The following UNC13C variants were observed in gnomAD, a reference collection of about 807,000 sequenced individuals.
UNC13C encodes unc-13 homolog C, also known as protein unc-13 homolog C.
A neutral mutation model predicts 245.4 loss-of-function variants in UNC13C; 174 were observed. The ratio of observed to expected loss-of-function variants is 0.71; its 90% CI spans 0.63 to 0.80. The LOEUF is 0.80. UNC13C is among the 30% of genes least tolerant of loss of function. The pLI is 0.00. For missense variants in UNC13C, 2,829 were observed against 2,602.9 expected (o/e 1.09, Z -1.89); for synonymous variants, 992 against 895.1 (o/e 1.11, Z -1.93).
Position 54,022,672 on chromosome 15 carries a change from C to G in UNC13C, c.2983+6786C>G, listed in dbSNP as rs144332008. Among the ~76,000 whole-genome samples, 922 of 152,272 alleles carry G rather than the reference C, an allele frequency of 6.1e-3. 8 individuals are homozygous for G. The highest frequency in any genetic ancestry group is 0.021 in the African/African-American group (860 of 41,554). ...AGCCCCTTATCAAATATATGGTTTG[C>G]AAATAATATTTTCTTCCAATTCATG... On this transcript the variant is annotated intron_variant, in intron 2 of 32. Coordinates refer to ENST00000260323, the MANE Select transcript of UNC13C (RefSeq NM_001080534.3).
At chr15:53,996,201 A>G (rs759207159) in intron 1 of UNC13C, among the ~76,000 whole-genome samples, 2 of 152,204 alleles carry the variant, frequency 1.3e-5, no homozygotes, top group Admixed American at 6.6e-5. Context: ...GCAAACATAC[A>G]GTACTGAAAC....
At chr15:54,483,898 A>T (rs184601400) in intron 19 of UNC13C, among the ~76,000 whole-genome samples, 1 of 152,192 alleles carries the variant, frequency 6.6e-6, no homozygotes, top group Admixed American at 6.5e-5. Flanking sequence ...CCTACCTTTT[A>T]CCAACAGAAA....
chr15:53,999,722 A>G, intron 1 of UNC13C, among the ~76,000 whole-genome samples: 1 of 151,960 alleles, frequency 6.6e-6, no homozygotes, highest in South Asian at 2.1e-4. Context: ...TGTGTCCCAT[A>G]CATTTTGGTA....
At chr15:54,255,005 G>A (rs1418246735) in intron 8 of UNC13C, among the ~76,000 whole-genome samples, 3 of 152,110 alleles carry the variant, frequency 2.0e-5, no homozygotes, top group African/African-American at 4.8e-5. Context: ...CTCCTTGCAG[G>A]GCGTGTGATG....
At chr15:53,852,350 G>C in the UNC13C span, among the ~76,000 whole-genome samples, 2 of 152,198 alleles carry the variant, frequency 1.3e-5, no homozygotes, top group African/African-American at 4.8e-5. Context: ...CTAGCTACTG[G>C]AAGCTTGAAT....
chr15:53,922,224 T>G, the UNC13C span, among the ~76,000 whole-genome samples: 1 of 152,322 alleles, frequency 6.6e-6, no homozygotes, highest in East Asian at 1.9e-4. Flanking sequence ...GAAAGTCAAA[T>G]AAATTCTCTG....
intron 30 of UNC13C, among the ~76,000 whole-genome samples, chr15:54,589,419 C>T (rs2141252025): frequency 6.7e-6 from 1 of 149,372 alleles, no homozygotes; most frequent in African/African-American, 2.4e-5. Context: ...CTGCCTCAGC[C>T]TCCCGAATAG....
Position 54,015,212 on chromosome 15 carries a change from A to C in UNC13C, c.2309A>C (p.Asp770Ala). The change falls in exon 2 of 33, where the codon GAT becomes GCT. Residue 770 changes from aspartate to alanine, a missense_variant. Transcript: ENST00000260323. ...AGTCAAAGTGAATTGCAAAGTGATGATTCAGAGGATGCCCCACCCAAATCA... is the reference window on the plus strand; with the variant it reads ...AGTCAAAGTGAATTGCAAAGTGATGCTTCAGAGGATGCCCCACCCAAATCA... ...YRSQSELQSD[D>A]SEDAPPKSWH... The C allele has an allele frequency of 6.2e-7, 1 of 1,613,254 alleles. No homozygotes were observed. Among genetic ancestry groups the C allele is most frequent in the Middle Eastern group, 1.7e-4 (1 of 6,058 alleles).
the UNC13C span, among the ~76,000 whole-genome samples, chr15:53,959,921 G>T: frequency 1.3e-5 from 2 of 152,122 alleles, no homozygotes; most frequent in African/African-American, 2.4e-5. Flanking sequence ...TTTAGAAAAA[G>T]AATTATTGTG....
the UNC13C span, among the ~76,000 whole-genome samples, chr15:53,866,657 A>G: frequency 6.6e-6 from 1 of 152,184 alleles, no homozygotes; most frequent in Non-Finnish European, 1.5e-5. Context: ...ATCCAATCCA[A>G]TCGAATCTTC....
At chr15:54,485,500 C>G (rs140672283) in intron 19 of UNC13C, among the ~76,000 whole-genome samples, 38 of 152,356 alleles carry the variant, frequency 2.5e-4, no homozygotes, top group African/African-American at 8.4e-4. Flanking sequence ...GTCCCTTGTT[C>G]TACTGCAGTA....
chr15:54,337,173 A>G (rs1213023644), intron 16 of UNC13C, among the ~76,000 whole-genome samples: 1 of 152,060 alleles, frequency 6.6e-6, no homozygotes, highest in Non-Finnish European at 1.5e-5. Flanking sequence ...GGTACTCTCT[A>G]CTGCTTTATT....
At chr15:54,294,234 A>G (rs1186819453) in intron 11 of UNC13C, among the ~76,000 whole-genome samples, 170 bp downstream of exon 11, 1 of 152,034 alleles carries the variant, frequency 6.6e-6, no homozygotes, top group Admixed American at 6.6e-5. Context: ...TTTTTTCAAT[A>G]CTGTTGAAAG....
upstream of UNC13C, chr15:53,974,738 C>CTTTTTTTTT (rs3082304): frequency 6.7e-6 from 1 of 149,718 alleles, no homozygotes; most frequent in Non-Finnish European, 1.5e-5. Context: ...GTCAAAAGCA[C>CTTTTTTTTT]TTTTTTTTTT....
At position 54,038,119 on chromosome 15, in the gene UNC13C, TATA is replaced by T. The variant is rs1413510733; in HGVS notation, c.2983+22234_2983+22236del. 3.5e-4 allele frequency among the ~76,000 whole-genome samples: 23 copies of T among 65,074 alleles called. 3 individuals carry two copies. Among genetic ancestry groups the T allele is most frequent in the East Asian group, 2.0e-3 (4 of 2,024 alleles). 42.7% of individuals were successfully genotyped at this position (65,074 alleles called of 152,430 possible). A position where few individuals can be genotyped will look rare whatever the true frequency, so the allele number is the denominator to read the frequency against. ...ATATACATATATATATATATATATA[TATA>T]TATTTTTTTTTTTTTTTTCCTGAGA... On this transcript the variant is annotated intron_variant, in intron 2 of 32. Transcript: ENST00000260323.
chr15:54,393,102 G>A lies in UNC13C; in HGVS notation c.4768G>A (p.Asp1590Asn), dbSNP rs753779038. 3 of 1,610,612 alleles carry A rather than the reference G, an allele frequency of 1.9e-6. No individual in the cohort carries two copies. The highest frequency in any genetic ancestry group is 4.5e-5 in the East Asian group (2 of 44,714). Residue 1590 changes from aspartate (D) to asparagine (N), a missense_variant, in exon 18 of 33, where the codon GAT becomes AAT. Coordinates refer to ENST00000260323, the MANE Select transcript of UNC13C (RefSeq NM_001080534.3). ...EDQGPTTKNL[D>N]FWPQLITLMV... ...TCAGGGACCAACCACCAAGAATTTG[G>A]ATTTTTGGCCCCAACTTATTACACT...
In UNC13C at chr15:54,235,114, T is replaced by C; in HGVS notation, c.3150+6T>C. ...TGCCTATTGTCCGAGATGTGGTAAG[T>C]TACAACTGTTTAATTCTCTTCGATT... On this transcript the variant is annotated splice_donor_region_variant and intron_variant, in intron 5 of 32. Coordinates refer to ENST00000260323, the MANE Select transcript of UNC13C (RefSeq NM_001080534.3). The C allele has an allele frequency of 6.2e-7, 1 of 1,613,234 alleles. No homozygotes were observed. Among genetic ancestry groups the C allele is most frequent in the Non-Finnish European group, 8.5e-7 (1 of 1,179,226 alleles).
At chr15:54,257,273 ATT>A (rs1268714809) in intron 8 of UNC13C, among the ~76,000 whole-genome samples, 1 of 152,220 alleles carries the variant, frequency 6.6e-6, no homozygotes, top group Non-Finnish European at 1.5e-5. Context: ...AATTGAGCAC[ATT>A]TTGAATCATA....
At chr15:53,956,905 T>TGTGTGTGTGTGTGTGTGTGC in the UNC13C span, among the ~76,000 whole-genome samples, 1 of 151,276 alleles carries the variant, frequency 6.6e-6, no homozygotes, top group Admixed American at 6.6e-5. Context: ...TGTGTGTGTG[T>TGTGTGTGTGTGTGTGTGTGC]GCATGCACAC....
Sources: gnomAD v4.1 joint callset for allele counts (sites outside exome capture counted in the v4.1 genomes callset) on GRCh38, gnomAD v4.1.1 for gene constraint, MANE v1.5 for transcripts, NCBI Gene and HGNC (gene_info 2026-07-23, HGNC 2026-07-21) for gene names.